ZNF365: variants seen among roughly 807,000 people sequenced by gnomAD.
The protein encoded by ZNF365 is zinc finger protein 365, also known as protein ZNF365.
Under a neutral mutation model 35.0 loss-of-function variants are expected in ZNF365, and 22 were observed. The observed-to-expected ratio is 0.63, with a 90% CI of 0.45 to 0.90. ZNF365 has a LOEUF of 0.90. Ranked by LOEUF, ZNF365 falls within the 40% of genes least tolerant of loss-of-function variation. ZNF365 has a pLI of 0.00. For synonymous variants in ZNF365, 188 were observed against 196.2 expected (o/e 0.96, Z 0.35); for missense variants, 448 against 500.3 (o/e 0.90, Z 1.00).
At chr10:62,403,566 G>C (rs1839863523), downstream of ZNF365, among the ~76,000 whole-genome samples, 1 of 152,198 alleles carries the variant, frequency 6.6e-6, no homozygotes, top group African/African-American at 2.4e-5. Context: ...GCTGAGGCAG[G>C]AGAATGGCGT....
At chr10:62,380,423 A>G (rs1839418273) in intron 2 of ZNF365, among the ~76,000 whole-genome samples, 1 of 152,230 alleles carries the variant, frequency 6.6e-6, no homozygotes, top group South Asian at 2.1e-4. Context: ...TACATGTAAT[A>G]TACAAAATCT....
At chr10:62,418,764 A>G (rs1472277422) in intron 3 of ZNF365, among the ~76,000 whole-genome samples, 1 of 152,048 alleles carries the variant, frequency 6.6e-6, no homozygotes, top group African/African-American at 2.4e-5. Flanking sequence ...TCCCTAGTAT[A>G]AAAGGGGCAT....
At chr10:62,403,681 C>T (rs1216901859), downstream of ZNF365, among the ~76,000 whole-genome samples, 1 of 151,922 alleles carries the variant, frequency 6.6e-6, no homozygotes, top group Non-Finnish European at 1.5e-5. Context: ...ACAACAGCAA[C>T]AACAAAAAAA....
At chr10:62,407,088 G>A (rs1839916341), downstream of ZNF365, among the ~76,000 whole-genome samples, 2 of 152,248 alleles carry the variant, frequency 1.3e-5, no homozygotes, top group African/African-American at 2.4e-5. Flanking sequence ...CTTCCAGCAA[G>A]GGCTGGAGCC....
intron 2 of ZNF365, among the ~76,000 whole-genome samples, chr10:62,378,474 T>C (rs1839373153): frequency 6.6e-6 from 1 of 152,176 alleles, no homozygotes; most frequent in African/African-American, 2.4e-5. Flanking sequence ...TCTGTCTAAA[T>C]AAAAGTGGGC....
At chr10:62,463,960 A>T (rs984999866) in intron 4 of ZNF365, among the ~76,000 whole-genome samples, 1 of 152,240 alleles carries the variant, frequency 6.6e-6, no homozygotes, top group African/African-American at 2.4e-5. Context: ...CACTGACACC[A>T]GCGGGATGTA....
chr10:62,415,459 C>G (rs947196035), intron 3 of ZNF365, among the ~76,000 whole-genome samples: 3 of 152,076 alleles, frequency 2.0e-5, no homozygotes, highest in African/African-American at 7.2e-5. Flanking sequence ...GGGTTTTCAG[C>G]TGAATGCTTG....
At chr10:62,438,958 A>G (rs1189310309) in intron 3 of ZNF365, among the ~76,000 whole-genome samples, 2 of 152,346 alleles carry the variant, frequency 1.3e-5, no homozygotes, top group South Asian at 2.1e-4. Context: ...CTAATTAGCT[A>G]GAGTGCTTCT....
At chr10:62,427,144 A>G (rs1840262732) in intron 3 of ZNF365, among the ~76,000 whole-genome samples, 2 of 152,190 alleles carry the variant, frequency 1.3e-5, no homozygotes, top group Admixed American at 1.3e-4. Flanking sequence ...TGACTATATT[A>G]CTGGCTTATG....
chr10:62,376,151 C>T (rs375076452), intron 1 of ZNF365, 30 bp from the exon 2 acceptor site: 6 of 1,603,736 alleles, frequency 3.7e-6, no homozygotes, highest in Non-Finnish European at 2.6e-6. Flanking sequence ...TTTCAGCCGA[C>T]TTGTAAACTA....
At chr10:62,442,246 C>T (rs909076635) in intron 3 of ZNF365, among the ~76,000 whole-genome samples, 1 of 152,124 alleles carries the variant, frequency 6.6e-6, no homozygotes, top group Non-Finnish European at 1.5e-5. Flanking sequence ...TTCTCCATGA[C>T]AACAGCCTGG....
chr10:62,380,597 T>C (rs1839421814), intron 2 of ZNF365, among the ~76,000 whole-genome samples: 1 of 152,222 alleles, frequency 6.6e-6, no homozygotes. Context: ...TTTGCACTTT[T>C]GTACTGGTCA....
intron 4 of ZNF365, chr10:62,459,918 A>T: frequency 1.3e-6 from 1 of 784,284 alleles, no homozygotes; most frequent in Non-Finnish European, 2.1e-6. Flanking sequence ...ATGAAAACAC[A>T]CATTTTCACA....
chr10:62,421,380 A>G (rs1276129902), intron 3 of ZNF365, among the ~76,000 whole-genome samples: 1 of 152,164 alleles, frequency 6.6e-6, no homozygotes, highest in Non-Finnish European at 1.5e-5. Context: ...AAAATACCCA[A>G]TCTTTTTAGG....
intron 4 of ZNF365, among the ~76,000 whole-genome samples, chr10:62,468,885 C>G (rs532297493): frequency 6.6e-6 from 1 of 152,174 alleles, no homozygotes; most frequent in African/African-American, 2.4e-5. Context: ...GTGCCCAGAT[C>G]AACTGTAGAA....
rs188050236 is a variant in ZNF365, at chr10:62,476,566, T to C, written c.982-3310T>C. 3.9e-5 allele frequency among the ~76,000 whole-genome samples: 6 copies of C among 152,338 alleles called. No homozygotes were observed. The East Asian group carries it at 9.6e-4, about 24-fold the overall frequency. On this transcript the variant is annotated intron_variant, in intron 4 of 4. Coordinates refer to the ZNF365 transcript ENST00000395255. ...TTAAGGTTACAGCTAGAGGAAAAGA[T>C]TGTTCTGCCACCTGATGCCAAAGAA...
At chr10:62,443,657 A>G (rs1396673262) in intron 3 of ZNF365, among the ~76,000 whole-genome samples, 1 of 152,142 alleles carries the variant, frequency 6.6e-6, no homozygotes, top group African/African-American at 2.4e-5. Flanking sequence ...GAAAACTGAA[A>G]TGCTAGCTTT....
chr10:62,425,797 T>C (rs1032139102), intron 3 of ZNF365, among the ~76,000 whole-genome samples: 1 of 152,210 alleles, frequency 6.6e-6, no homozygotes, highest in African/African-American at 2.4e-5. Flanking sequence ...CTGGTTATTG[T>C]TCATTTATCA....
chr10:62,429,745 G>T lies in ZNF365; in HGVS notation c.925-29996G>T, dbSNP rs117841169. 3.8e-3 allele frequency among the ~76,000 whole-genome samples: 572 copies of T among 152,158 alleles called. 3 individuals carry two copies. The highest frequency in any genetic ancestry group is 6.8e-3 in the Middle Eastern group (2 of 294). ...AAATTAGCTTTTTTCCTTCTGATAG[G>T]TATTGGTTTATTATCTCTCTTTTGC... On this transcript the variant is annotated intron_variant, in intron 3 of 4. Transcript: ENST00000395255.
Sources: gnomAD v4.1 joint callset for allele counts (sites outside exome capture counted in the v4.1 genomes callset) on GRCh38, gnomAD v4.1.1 for gene constraint, MANE v1.5 for transcripts, NCBI Gene and HGNC (gene_info 2026-07-23, HGNC 2026-07-21) for gene names.